The following SNX13 variants were observed in gnomAD, a reference collection of about 807,000 sequenced individuals.
The protein encoded by SNX13 is sorting nexin-13.
In SNX13, 45 loss-of-function variants were observed where a neutral mutation model predicts 133.6. The observed-to-expected ratio is 0.34, with a 90% CI of 0.27 to 0.43. The LOEUF (loss-of-function observed/expected upper bound fraction) is 0.43, where lower values mean the gene tolerates loss of function less well. Ranked by LOEUF, SNX13 falls within the 20% of genes least tolerant of loss-of-function variation. SNX13 has a pLI of 1.00. For synonymous variants in SNX13, 414 were observed against 373.9 expected (o/e 1.11, Z -1.24); for missense variants, 1,032 against 1,145.1 (o/e 0.90, Z 1.43).
chr7:17,805,244 T>TGC (rs1434889540), intron 20 of SNX13, among the ~76,000 whole-genome samples: 8 of 107,360 alleles, frequency 7.5e-5, no homozygotes, highest in African/African-American at 9.4e-5. Context: ...TGTGTGTGTG[T>TGC]GTGTGTGCGT....
At chr7:17,853,714 C>A (rs188005209) in intron 9 of SNX13, among the ~76,000 whole-genome samples, 3 of 152,176 alleles carry the variant, frequency 2.0e-5, no homozygotes, top group East Asian at 3.9e-4. Flanking sequence ...GAGGCTGAGG[C>A]GGGTGGATCA....
intron 5 of SNX13, among the ~76,000 whole-genome samples, chr7:17,886,971 C>CA (rs544070392): frequency 0.024 from 1,354 of 55,852 alleles, 11 homozygotes; most frequent in Admixed American, 0.037. Flanking sequence ...CCTTGCTCTA[C>CA]AAAAAAAAAA....
intron 1 of SNX13, among the ~76,000 whole-genome samples, chr7:17,922,158 G>A (rs1352766716): frequency 6.6e-6 from 1 of 152,154 alleles, no homozygotes; most frequent in Non-Finnish European, 1.5e-5. Flanking sequence ...GAGTAAACAG[G>A]TCACACAGGC....
intron 1 of SNX13, chr7:17,898,217 A>G (rs1256507212): frequency 6.6e-6 from 1 of 152,188 alleles, no homozygotes; most frequent in Non-Finnish European, 1.5e-5. Context: ...AAGTTCCTAC[A>G]TCCATTCGCC....
In SNX13 at chr7:17,801,668, A is replaced by G; in HGVS notation, c.2227-9T>C. 6.2e-7 allele frequency: 1 copy of G among 1,600,208 alleles called. No homozygotes were observed. The highest frequency in any genetic ancestry group is 8.5e-7 in the Non-Finnish European group (1 of 1,172,900). ...GGAATTAAAGGAGGCACCTAAAAAT[A>G]AAACCAAATCCACAAAGTAAACACA... On this transcript the variant is annotated splice_polypyrimidine_tract_variant and intron_variant, in intron 21 of 25. Transcript: ENST00000428135.
chr7:17,829,940 T>C lies in SNX13; in HGVS notation c.1635+70A>G, dbSNP rs185284743. The C allele has an allele frequency of 1.0e-3, 1,115 of 1,093,690 alleles. 19 individuals are homozygous for C. The highest frequency in any genetic ancestry group is 3.1e-5 in the Non-Finnish European group (24 of 778,496). 67.7% of individuals were successfully genotyped at this position (1,093,690 alleles called of 1,614,324 possible). On this transcript the variant is annotated intron_variant, in intron 16 of 25. Coordinates refer to ENST00000428135, the MANE Select transcript of SNX13 (RefSeq NM_015132.5). ...GCCTTCTTTATATATCATTTATTTA[T>C]ATATGTTAAGGCTCAGCCTTTTACA...
At chr7:17,801,131 T>G (rs576426944) in intron 22 of SNX13, among the ~76,000 whole-genome samples, 1 of 131,830 alleles carries the variant, frequency 7.6e-6, no homozygotes, top group African/African-American at 2.8e-5. Flanking sequence ...CGAATGTTCA[T>G]AGAAGTATTA....
chr7:17,826,145 G>C (rs1787888608), intron 16 of SNX13, 54 bp from the exon 17 acceptor site: 2 of 1,191,208 alleles, frequency 1.7e-6, no homozygotes, highest in South Asian at 1.4e-5. Flanking sequence ...GGAAAAAAAA[G>C]AGTAAAGAAT....
intron 17 of SNX13, among the ~76,000 whole-genome samples, chr7:17,822,233 T>A (rs927217367): frequency 4.6e-5 from 7 of 152,106 alleles, no homozygotes; most frequent in African/African-American, 7.2e-5. Flanking sequence ...CGCATTACTT[T>A]GCCACATACC....
At chr7:17,921,577 G>A (rs1170079993) in intron 1 of SNX13, among the ~76,000 whole-genome samples, 2 of 152,090 alleles carry the variant, frequency 1.3e-5, no homozygotes, top group Non-Finnish European at 2.9e-5. Flanking sequence ...GTAGGGTCAC[G>A]ATCAAAACCA....
intron 5 of SNX13, chr7:17,888,268 C>T (rs560901253): frequency 5.3e-5 from 8 of 152,150 alleles, no homozygotes; most frequent in African/African-American, 1.9e-4. Context: ...GGTAAATGGT[C>T]AAGCAAAGAT....
At chr7:17,932,255 A>G (rs1479730803) in intron 1 of SNX13, among the ~76,000 whole-genome samples, 1 of 152,234 alleles carries the variant, frequency 6.6e-6, no homozygotes, top group Non-Finnish European at 1.5e-5. Context: ...TGGTTATATC[A>G]AAGTAACAAC....
intron 12 of SNX13, among the ~76,000 whole-genome samples, chr7:17,843,242 C>T (rs150212202): frequency 6.6e-6 from 1 of 152,082 alleles, no homozygotes; most frequent in East Asian, 1.9e-4. Context: ...TGAAAAATCA[C>T]ATCACATGCA....
Position 17,791,376 on chromosome 7 carries a change from TTTTG to T in SNX13, c.*2665_*2668del, listed in dbSNP as rs1249484432. ...AACAAACTGAAATATTCAAGAAAGT[TTTTG>T]TTTTTTTTTTTTTTAAAAAAATTAA... On this transcript the variant is annotated 3_prime_UTR_variant, in exon 26 of 26. Transcript: ENST00000428135. The T allele has an allele frequency of 6.6e-6, 1 of 151,632 alleles. No homozygotes were observed. The highest frequency in any genetic ancestry group is 6.6e-5 in the Admixed American group (1 of 15,200). The allele number at this position is 151,632 out of a possible 1,614,324, so 9.4% of individuals were successfully genotyped here. A position where few individuals can be genotyped will look rare whatever the true frequency, so the allele number is the denominator to read the frequency against.
intron 1 of SNX13, among the ~76,000 whole-genome samples, chr7:17,920,073 T>A (rs545194978): frequency 2.0e-5 from 3 of 152,328 alleles, no homozygotes; most frequent in Admixed American, 2.0e-4. Context: ...ACAGGCTTCA[T>A]CTATCTGGTG....
intron 20 of SNX13, among the ~76,000 whole-genome samples, chr7:17,809,255 A>T (rs1785691821): frequency 7.6e-6 from 1 of 130,810 alleles, no homozygotes. Context: ...AAAGGGATGG[A>T]GGAATATTTA....
chr7:17,817,885 T>C lies in SNX13; in HGVS notation c.1846-1596A>G, dbSNP rs182473350. 3.7e-3 allele frequency among the ~76,000 whole-genome samples: 562 copies of C among 152,310 alleles called. 5 individuals are homozygous for C. Among genetic ancestry groups the C allele is most frequent in the African/African-American group, 0.013 (537 of 41,574 alleles). ...CTGGTATTACCAAGTCTTGTGTGCT[T>C]GTACTGTATTTCCTCAAATTCATGT... On this transcript the variant is annotated intron_variant, in intron 18 of 25. Transcript: ENST00000428135.
intron 20 of SNX13, among the ~76,000 whole-genome samples, chr7:17,812,990 T>G (rs898721435): frequency 1.3e-5 from 2 of 152,020 alleles, no homozygotes; most frequent in African/African-American, 2.4e-5. Context: ...AGGGGAGGGA[T>G]AGCATTAGGA....
At chr7:17,860,703 T>C (rs973491019) in intron 9 of SNX13, among the ~76,000 whole-genome samples, 5 of 152,216 alleles carry the variant, frequency 3.3e-5, no homozygotes, top group African/African-American at 1.2e-4. Flanking sequence ...CCAATACCAT[T>C]TGCTGAAGAG....
Sources: allele counts gnomAD v4.1 joint callset (sites outside exome capture counted in the v4.1 genomes callset), GRCh38; gene constraint gnomAD v4.1.1; transcripts MANE v1.5; gene names NCBI Gene and HGNC (gene_info 2026-07-23, HGNC 2026-07-21).